The following EYS variants were observed in gnomAD, a reference collection of about 807,000 sequenced individuals.
EYS encodes protein eyes shut homolog.
A neutral mutation model predicts 282.1 loss-of-function variants in EYS; 250 were observed. That is an observed-to-expected ratio of 0.89 (90% CI 0.80 to 0.98). The LOEUF is 0.98. Ranked by LOEUF, EYS falls within the 50% of genes least tolerant of loss-of-function variation. The pLI is 0.00. For synonymous variants in EYS, 1,355 were observed against 1,282.9 expected, an observed-to-expected ratio of 1.06 and a Z score of -1.20; for missense variants, 4,016 against 3,709.0, an observed-to-expected ratio of 1.08 and a Z score of -2.15.
At chr6:64,373,120 G>A (rs1772437892) in intron 29 of EYS, among the ~76,000 whole-genome samples, 1 of 152,208 alleles carries the variant, frequency 6.6e-6, no homozygotes, top group South Asian at 2.1e-4. Flanking sequence ...TGGTTGTTTG[G>A]AGGTAAGAAG....
Position 64,690,721 on chromosome 6 carries a change from G to A in EYS, c.3444-64476C>T, listed in dbSNP as rs149305018. Reference sequence around the variant, plus strand: ...GGAATCCATCATTCTGAGCATACTCGCGCAAGGACAGAAAACCAAACACCG... The same window carrying A: ...GGAATCCATCATTCTGAGCATACTCACGCAAGGACAGAAAACCAAACACCG... On this transcript the variant is annotated intron_variant, in intron 22 of 42. Transcript: ENST00000503581. 1.0e-3 allele frequency among the ~76,000 whole-genome samples: 155 copies of A among 152,094 alleles called. 2 individuals are homozygous for A. The Middle Eastern group carries it at 0.017, about 17-fold the overall frequency.
intron 33 of EYS, among the ~76,000 whole-genome samples, chr6:64,062,598 G>A (rs1211132518): frequency 1.3e-5 from 2 of 151,314 alleles, no homozygotes; most frequent in Non-Finnish European, 2.9e-5. Context: ...GGCTGAGGCC[G>A]GAAAATCGCT....
chr6:64,048,371 G>A (rs35627819), intron 33 of EYS, among the ~76,000 whole-genome samples: 32,249 of 151,910 alleles, frequency 0.21, 3,675 homozygotes, highest in Middle Eastern at 0.34. Context: ...AGTTGTTTCC[G>A]TTGTGACTTT....
intron 31 of EYS, among the ~76,000 whole-genome samples, chr6:64,084,456 TGA>T (rs1471460579): frequency 6.6e-6 from 1 of 152,046 alleles, no homozygotes; most frequent in African/African-American, 2.4e-5. Flanking sequence ...AGAGCTGGAG[TGA>T]GAGAGAACAC....
At chr6:64,056,639 C>T (rs570344109) in intron 33 of EYS, among the ~76,000 whole-genome samples, 2 of 152,266 alleles carry the variant, frequency 1.3e-5, no homozygotes, top group South Asian at 4.1e-4. Context: ...GCTATTACCA[C>T]GCAAACAGGA....
intron 19 of EYS, among the ~76,000 whole-genome samples, chr6:64,881,912 TAA>T (rs1431487248): frequency 1.3e-5 from 2 of 151,878 alleles, no homozygotes; most frequent in Non-Finnish European, 2.9e-5. Flanking sequence ...GTCTATAAAA[TAA>T]GTTAATTAAA....
At chr6:65,147,391 G>T (rs1165465231) in intron 12 of EYS, among the ~76,000 whole-genome samples, 1 of 151,770 alleles carries the variant, frequency 6.6e-6, no homozygotes, top group African/African-American at 2.4e-5. Context: ...TTTATAAGAG[G>T]GATATTAGAA....
rs913158802 is a variant in EYS, at chr6:65,080,193, G to A, written c.2024-22466C>T. On this transcript the variant is annotated intron_variant, in intron 12 of 42. Transcript: ENST00000503581. The stretch of plus-strand genomic sequence containing the variant: ...ATCATTCAGAACAGGGTGAGGGAAG[G>A]AGCCCTCGACAGAACACGCCCAGAG... 3.3e-5 allele frequency among the ~76,000 whole-genome samples: 5 copies of A among 152,036 alleles called. No homozygotes were observed. The South Asian group carries it at 1.0e-3, about 32-fold the overall frequency.
chr6:64,450,414 C>T (rs944336422), intron 26 of EYS, among the ~76,000 whole-genome samples: 10 of 152,238 alleles, frequency 6.6e-5, no homozygotes, highest in African/African-American at 2.2e-4. Context: ...TAATGGGAGA[C>T]TTTAACACCC....
intron 26 of EYS, among the ~76,000 whole-genome samples, chr6:64,582,282 T>C (rs1455117827): frequency 1.3e-5 from 2 of 152,146 alleles, no homozygotes; most frequent in African/African-American, 4.8e-5. Context: ...CCACATTAGA[T>C]TCTCATTGGA....
At chr6:65,267,621 G>A (rs535683605) in intron 12 of EYS, among the ~76,000 whole-genome samples, 1 of 151,920 alleles carries the variant, frequency 6.6e-6, no homozygotes, top group Middle Eastern at 3.4e-3. Context: ...CTGTCCTTAG[G>A]TTTAGGGGAT....
intron 35 of EYS, among the ~76,000 whole-genome samples, chr6:63,974,872 G>A (rs1766757888): frequency 6.6e-6 from 1 of 151,982 alleles, no homozygotes; most frequent in Admixed American, 6.6e-5. Context: ...CTACACTCAA[G>A]GATGGCAGTA....
At chr6:64,949,488 T>G (rs576959236) in intron 14 of EYS, among the ~76,000 whole-genome samples, 6 of 152,032 alleles carry the variant, frequency 3.9e-5, no homozygotes, top group African/African-American at 1.4e-4. Flanking sequence ...GCCAGTTTGT[T>G]TTTTTAAGGA....
intron 29 of EYS, among the ~76,000 whole-genome samples, chr6:64,335,176 A>G (rs1357126068): frequency 6.6e-6 from 1 of 152,136 alleles, no homozygotes; most frequent in Middle Eastern, 3.2e-3. Flanking sequence ...AATGAAATCA[A>G]CTATAACCTA....
chr6:64,148,139 A>G (rs375967957), intron 31 of EYS, among the ~76,000 whole-genome samples: 12 of 152,292 alleles, frequency 7.9e-5, no homozygotes, highest in African/African-American at 1.9e-4. Context: ...AAAATATAGA[A>G]TATACTCAAA....
intron 41 of EYS, among the ~76,000 whole-genome samples, chr6:63,727,733 A>T (rs1263973429): frequency 0.014 from 783 of 55,602 alleles, 28 homozygotes; most frequent in African/African-American, 0.061. Context: ...AAAAAAAAAA[A>T]AAAAATATAT....
intron 5 of EYS, among the ~76,000 whole-genome samples, chr6:65,439,374 A>G (rs543349086): frequency 6.6e-6 from 1 of 152,054 alleles, no homozygotes; most frequent in South Asian, 2.1e-4. Flanking sequence ...TTTTTTTCCA[A>G]TTCTGTGGAG....
intron 12 of EYS, among the ~76,000 whole-genome samples, chr6:65,247,687 A>T (rs574100542): frequency 8.5e-5 from 13 of 152,060 alleles, no homozygotes; most frequent in Admixed American, 2.6e-4. Flanking sequence ...TAAACCACAG[A>T]AGAAAATAGA....
In EYS at chr6:63,820,027, G is replaced by A. The variant is rs150666794; in HGVS notation, c.7229-13655C>T. Among the ~76,000 whole-genome samples the A allele has an allele frequency of 2.5e-3, 377 of 152,236 alleles. 1 individual carries two copies. The highest frequency in any genetic ancestry group is 7.5e-3 in the East Asian group (39 of 5,176). On this transcript the variant is annotated intron_variant, in intron 36 of 42. Coordinates refer to ENST00000503581, the MANE Select transcript of EYS (RefSeq NM_001142800.2). ...GAAAGTCCACATTGAGGCCTTGCAT[G>A]GCCTCTAATTCTTGCATCACAGCCA...
Sources: allele counts gnomAD v4.1 joint callset (sites outside exome capture counted in the v4.1 genomes callset), GRCh38; gene constraint gnomAD v4.1.1; transcripts MANE v1.5; gene names NCBI Gene and HGNC (gene_info 2026-07-23, HGNC 2026-07-21).